GPC6: variants seen among roughly 807,000 people sequenced by gnomAD.
GPC6 encodes glypican-6.
GPC6 carries 14 observed loss-of-function variants against 55.2 expected under a neutral mutation model. The ratio of observed to expected loss-of-function variants is 0.25; its 90% CI spans 0.17 to 0.40. The LOEUF is 0.40. Among genes scored for constraint, GPC6 ranks in the 10% least tolerant of loss-of-function variants. The pLI, the probability that GPC6 is intolerant of heterozygous loss-of-function variation, is 1.00. For synonymous variants in GPC6, 278 were observed against 259.6 expected (o/e 1.07, Z -0.68); for missense variants, 641 against 708.5 (o/e 0.90, Z 1.08).
At chr13:93,690,593 T>TAGAA (rs1427464926) in intron 2 of GPC6, among the ~76,000 whole-genome samples, 5 of 152,024 alleles carry the variant, frequency 3.3e-5, no homozygotes, top group Non-Finnish European at 7.4e-5. Context: ...ACGTCATTCT[T>TAGAA]TTCTAAGACT....
At chr13:93,701,547 A>G (rs1445052422) in intron 2 of GPC6, among the ~76,000 whole-genome samples, 1 of 152,096 alleles carries the variant, frequency 6.6e-6, no homozygotes, top group Non-Finnish European at 1.5e-5. Flanking sequence ...TAATGAAAGA[A>G]AACAATGAAG....
At chr13:94,219,717 T>G (rs1890326432) in intron 4 of GPC6, among the ~76,000 whole-genome samples, 1 of 152,142 alleles carries the variant, frequency 6.6e-6, no homozygotes, top group South Asian at 2.1e-4. Flanking sequence ...GACACAAATC[T>G]GCCTCCCCTG....
At chr13:93,414,327 G>A (rs933383557) in intron 1 of GPC6, among the ~76,000 whole-genome samples, 1 of 152,026 alleles carries the variant, frequency 6.6e-6, no homozygotes, top group African/African-American at 2.4e-5. Flanking sequence ...TCCTACTAAG[G>A]GAGAATTCTT....
intron 4 of GPC6, among the ~76,000 whole-genome samples, chr13:94,248,749 A>T (rs1891270241): frequency 6.6e-6 from 1 of 152,092 alleles, no homozygotes; most frequent in African/African-American, 2.4e-5. Context: ...ATGCTCACAC[A>T]CATCGCCAGC....
intron 1 of GPC6, among the ~76,000 whole-genome samples, chr13:93,540,410 G>A (rs7333716): frequency 3.3e-5 from 5 of 152,004 alleles, no homozygotes; most frequent in East Asian, 1.9e-4. Flanking sequence ...TCCTAGGAGC[G>A]AATTATTAAC....
At position 94,306,038 on chromosome 13, in the gene GPC6, C is replaced by T. The variant is rs1339971961; in HGVS notation, c.1067C>T (p.Ala356Val). Residue 356 changes from alanine (A) to valine (V), a missense_variant, in exon 6 of 9, where the codon GCT becomes GTT. By Grantham distance (64) the Ala-to-Val change is moderately conservative. Coordinates refer to ENST00000377047, the MANE Select transcript of GPC6 (RefSeq NM_005708.5). ...PAPALRSARS[A>V]PENFNTRFRP... ...CCAGCCCTCAGATCTGCCCGCTCAG[C>T]TCCTGAAAATTTTAATACACGTTTC... 6 of 1,613,982 alleles carry T rather than the reference C, an allele frequency of 3.7e-6. No homozygotes were observed. The highest frequency in any genetic ancestry group is 1.3e-5 in the African/African-American group (1 of 74,934).
intron 3 of GPC6, among the ~76,000 whole-genome samples, chr13:93,935,160 C>T (rs1386222306): frequency 6.6e-6 from 1 of 152,062 alleles, no homozygotes; most frequent in African/African-American, 2.4e-5. Flanking sequence ...ATGTTTGTTA[C>T]ATGGGTATAT....
intron 4 of GPC6, among the ~76,000 whole-genome samples, chr13:94,255,846 TGAGGCCATTTG>T (rs547214565): frequency 3.9e-5 from 6 of 152,120 alleles, no homozygotes; most frequent in Non-Finnish European, 7.4e-5. Context: ...AATCAACTTG[TGAGGCCATTTG>T]GTCAAAGAAG....
intron 3 of GPC6, among the ~76,000 whole-genome samples, chr13:93,862,644 G>T (rs1442366791): frequency 6.6e-6 from 1 of 151,618 alleles, no homozygotes; most frequent in Non-Finnish European, 1.5e-5. Context: ...TAGCTCTAAA[G>T]AAAATAGTGC....
chr13:93,288,604 C>T (rs1594075436), intron 1 of GPC6, among the ~76,000 whole-genome samples: 1 of 152,196 alleles, frequency 6.6e-6, no homozygotes, highest in East Asian at 1.9e-4. Flanking sequence ...TTTAAAAAGG[C>T]ACTTCATAAA....
At chr13:93,648,220 C>T (rs1880260673) in intron 2 of GPC6, among the ~76,000 whole-genome samples, 1 of 152,104 alleles carries the variant, frequency 6.6e-6, no homozygotes, top group African/African-American at 2.4e-5. Flanking sequence ...TAATTTTTAA[C>T]AATCTACAGC....
intron 4 of GPC6, among the ~76,000 whole-genome samples, chr13:94,037,498 TA>T (rs1326992511): frequency 6.6e-6 from 1 of 151,922 alleles, no homozygotes; most frequent in Non-Finnish European, 1.5e-5. Context: ...ATTATATAAA[TA>T]AAAAAATACC....
intron 4 of GPC6, among the ~76,000 whole-genome samples, chr13:94,178,293 G>C (rs919155152): frequency 1.3e-5 from 2 of 152,006 alleles, no homozygotes; most frequent in African/African-American, 4.8e-5. Context: ...CATCGCACCC[G>C]GCTGGTCTTT....
intron 4 of GPC6, among the ~76,000 whole-genome samples, chr13:94,152,064 G>T (rs1887762302): frequency 6.6e-6 from 1 of 152,048 alleles, no homozygotes; most frequent in Admixed American, 6.6e-5. Context: ...CAAAAATTGG[G>T]TGACCCAAGG....
intron 6 of GPC6, among the ~76,000 whole-genome samples, chr13:94,372,518 C>G (rs1174221662): frequency 6.6e-6 from 1 of 152,038 alleles, no homozygotes; most frequent in Admixed American, 6.5e-5. Flanking sequence ...GCTTAAAAAA[C>G]GGCGCACCAC....
At chr13:94,070,675 G>A (rs184418269) in intron 4 of GPC6, among the ~76,000 whole-genome samples, 137 of 152,252 alleles carry the variant, frequency 9.0e-4, no homozygotes, top group African/African-American at 2.1e-3. Context: ...ACATTACAGC[G>A]AGACATATTT....
intron 1 of GPC6, among the ~76,000 whole-genome samples, chr13:93,302,608 C>T (rs1180655061): frequency 6.6e-6 from 1 of 152,158 alleles, no homozygotes; most frequent in African/African-American, 2.4e-5. Context: ...AGATCTTTAG[C>T]AAACCAGGAA....
chr13:94,115,558 C>G (rs1469974278), intron 4 of GPC6, among the ~76,000 whole-genome samples: 1 of 152,068 alleles, frequency 6.6e-6, no homozygotes, highest in Non-Finnish European at 1.5e-5. Context: ...AGGTCCCAAA[C>G]CAGCTAGTCA....
intron 3 of GPC6, among the ~76,000 whole-genome samples, chr13:93,972,913 C>T (rs111702520): frequency 1.3e-5 from 2 of 151,770 alleles, no homozygotes; most frequent in Non-Finnish European, 2.9e-5. Context: ...TTCTCTCTCT[C>T]TCTCTGTCTC....
Sources: gnomAD v4.1 joint callset for allele counts (sites outside exome capture counted in the v4.1 genomes callset) on GRCh38, gnomAD v4.1.1 for gene constraint, MANE v1.5 for transcripts, NCBI Gene and HGNC (gene_info 2026-07-23, HGNC 2026-07-21) for gene names.